Variants in WDR59 observed in about 807,000 individuals in gnomAD.
The protein encoded by WDR59 is GATOR2 complex protein WDR59.
In WDR59, 100 loss-of-function variants were observed where a neutral mutation model predicts 131.2. The observed-to-expected ratio is 0.76, with a 90% CI of 0.65 to 0.90. WDR59 has a LOEUF of 0.90. Ranked by LOEUF, WDR59 falls within the 40% of genes least tolerant of loss-of-function variation. The pLI is 0.00. For missense variants in WDR59, 1,203 were observed against 1,262.2 expected, an observed-to-expected ratio of 0.95 and a Z score of 0.71; for synonymous variants, 601 against 466.2, an observed-to-expected ratio of 1.29 and a Z score of -3.72.
intron 25 of WDR59, among the ~76,000 whole-genome samples, chr16:74,883,353 C>T (rs970276687): frequency 6.6e-6 from 1 of 152,032 alleles, no homozygotes; most frequent in African/African-American, 2.4e-5. Context: ...ACTGTCAAAG[C>T]CACGTCCAGA....
chr16:74,943,315 G>A (rs1278269486), intron 6 of WDR59, among the ~76,000 whole-genome samples: 1 of 150,796 alleles, frequency 6.6e-6, no homozygotes, highest in Non-Finnish European at 1.5e-5. Flanking sequence ...TACAGAATAA[G>A]CCCCGATGTT....
In WDR59 at chr16:74,893,731, GGAT is replaced by G; in HGVS notation, c.1945_1947del (p.Ile649del). 6.2e-7 allele frequency: 1 copy of G among 1,614,156 alleles called. No individual in the cohort carries two copies. The highest frequency in any genetic ancestry group is 2.2e-5 in the East Asian group (1 of 44,890). ...ACAGGCAGGAGGCAAGCAATATCCT[GGAT>G]GATGACTTTCCCAGCAGCCTTGATC... is the stretch of plus-strand genomic sequence containing the variant. On this transcript the variant is annotated inframe_deletion, in exon 19 of 26. Transcript: ENST00000262144.
At chr16:74,893,843 G>T (rs765171020) in intron 18 of WDR59, 31 bp from the exon 19 acceptor site, 1 of 1,609,454 alleles carries the variant, frequency 6.2e-7, no homozygotes, top group South Asian at 1.1e-5. Flanking sequence ...GTAACTAATG[G>T]GGACTTTGAC....
chr16:74,914,802 C>T (rs1966282632), intron 13 of WDR59, among the ~76,000 whole-genome samples: 1 of 152,084 alleles, frequency 6.6e-6, no homozygotes, highest in South Asian at 2.1e-4. Flanking sequence ...CCATGTTGGC[C>T]AAGAAGGTGT....
chr16:74,982,080 C>T (rs1169957483), intron 1 of WDR59, among the ~76,000 whole-genome samples: 4 of 147,022 alleles, frequency 2.7e-5, no homozygotes, highest in African/African-American at 9.9e-5. Context: ...GATACAGAGA[C>T]TCCTATCCCT....
rs1964833114 is a variant in WDR59, at chr16:74,887,683, C to G, written c.2419G>C (p.Ala807Pro). 1.9e-6 allele frequency: 3 copies of G among 1,613,910 alleles called. No homozygotes were observed. The highest frequency in any genetic ancestry group is 3.3e-5 in the Admixed American group (2 of 59,996). The change falls in exon 23 of 26, where the codon GCG (alanine) becomes CCG (proline). Residue 807 changes from alanine (A) to proline (P), a missense_variant and splice_region_variant. Physicochemically the swap from Ala to Pro is conservative, Grantham distance 27. Transcript: ENST00000262144. ...PGLNTGGWNI[A>P]GREAEHLSSP... is the part of the protein sequence containing the mutation. ...TGGGCTAAGTCATTTCCATACAAAC[C>G]TATGTTCCAGCCGCCAGTGTTGAGC...
intron 19 of WDR59, 68 bp downstream of exon 19, chr16:74,893,609 CAA>C (rs10718591): frequency 9.6e-3 from 11,841 of 1,235,084 alleles, no homozygotes; most frequent in South Asian, 0.016. Context: ...TTCCCACACT[CAA>C]AAAAAAAAAA....
rs746574195 is a variant in WDR59 at position 74,970,495 on chromosome 16, C to CAAAAAAAAAAAAAAAAAAAAA, written c.55-4694_55-4674dup. ...GGGTGACAGAGAGAGACTCTGTCTCCAAAAAAAAAAAAAAAAAAAAAAAAA... is the reference window on the plus strand; with the variant it reads ...GGGTGACAGAGAGAGACTCTGTCTCCAAAAAAAAAAAAAAAAAAAAAAAAAAAAAAAAAAAAAAAAAAAAAA... On this transcript the variant is annotated intron_variant, in intron 1 of 25. Transcript: ENST00000262144. Among the ~76,000 whole-genome samples the CAAAAAAAAAAAAAAAAAAAAA allele has an allele frequency of 6.3e-4, 21 of 33,406 alleles. 3 individuals are homozygous for CAAAAAAAAAAAAAAAAAAAAA. The highest frequency in any genetic ancestry group is 2.5e-3 in the South Asian group (2 of 806). The allele number at this position is 33,406 out of a possible 152,430, so 21.9% of individuals were successfully genotyped here. A position where few individuals can be genotyped will look rare whatever the true frequency, so the allele number is the denominator to read the frequency against.
intron 2 of WDR59, among the ~76,000 whole-genome samples, chr16:74,958,365 G>A (rs1193528182): frequency 6.6e-6 from 1 of 151,706 alleles, no homozygotes; most frequent in Non-Finnish European, 1.5e-5. Context: ...CAAGGTGGGT[G>A]GATAGCCTCA....
At chr16:74,962,078 T>C (rs2033590935) in intron 2 of WDR59, among the ~76,000 whole-genome samples, 1 of 152,194 alleles carries the variant, frequency 6.6e-6, no homozygotes, top group Non-Finnish European at 1.5e-5. Flanking sequence ...TTTGTCAAGT[T>C]TGTCAAAGAT....
chr16:74,917,853 A>G (rs1194173154), intron 11 of WDR59, 76 bp downstream of exon 11: 4 of 1,328,264 alleles, frequency 3.0e-6, no homozygotes, highest in Admixed American at 2.0e-5. Context: ...TGTAACCTCT[A>G]ATTTCCGCAA....
intron 18 of WDR59, among the ~76,000 whole-genome samples, chr16:74,900,242 G>T (rs1377689689): frequency 2.0e-5 from 3 of 152,070 alleles, no homozygotes; most frequent in African/African-American, 7.2e-5. Flanking sequence ...GTGTTTGGGG[G>T]GTGATGAGGG....
intron 8 of WDR59, among the ~76,000 whole-genome samples, chr16:74,932,082 T>G (rs1024575644): frequency 1.1e-4 from 17 of 149,760 alleles, no homozygotes; most frequent in Non-Finnish European, 2.5e-4. Flanking sequence ...TATACACATA[T>G]ATATATTTAT....
At chr16:74,901,152 C>T (rs7342799) in intron 18 of WDR59, among the ~76,000 whole-genome samples, 11,619 of 151,998 alleles carry the variant, frequency 0.076, 1,063 homozygotes, top group African/African-American at 0.22. Flanking sequence ...CTCATGGCTA[C>T]AATCCCAGCA....
intron 18 of WDR59, among the ~76,000 whole-genome samples, chr16:74,903,355 A>G (rs1421220475): frequency 6.6e-6 from 1 of 152,150 alleles, no homozygotes; most frequent in African/African-American, 2.4e-5. Context: ...GGTTGGCACC[A>G]AGGGTTTCTG....
At chr16:74,894,182 G>A (rs1384645019) in intron 18 of WDR59, among the ~76,000 whole-genome samples, 1 of 152,190 alleles carries the variant, frequency 6.6e-6, no homozygotes, top group Admixed American at 6.5e-5. Context: ...CAAAATTCCT[G>A]CCTGAAACTC....
intron 5 of WDR59, 144 bp downstream of exon 5, chr16:74,949,574 A>T (rs900449649): frequency 1.1e-5 from 7 of 664,254 alleles, no homozygotes; most frequent in African/African-American, 9.2e-5. Context: ...TTCACTCTCA[A>T]ATAATATATT....
chr16:74,938,477 G>A (rs190245945), intron 7 of WDR59, among the ~76,000 whole-genome samples: 12 of 152,216 alleles, frequency 7.9e-5, no homozygotes, highest in African/African-American at 2.6e-4. Flanking sequence ...CTGAAAATGC[G>A]CCTGTGAGCC....
chr16:74,976,699 C>A (rs753033288), intron 1 of WDR59, among the ~76,000 whole-genome samples: 5 of 152,230 alleles, frequency 3.3e-5, no homozygotes, highest in Admixed American at 6.6e-5. Flanking sequence ...CCTTGGCCTC[C>A]CAAAGTGCTG....
Sources: gnomAD v4.1 joint callset for allele counts (sites outside exome capture counted in the v4.1 genomes callset) on GRCh38, gnomAD v4.1.1 for gene constraint, MANE v1.5 for transcripts, NCBI Gene and HGNC (gene_info 2026-07-23, HGNC 2026-07-21) for gene names.